Variants in DAB1 observed in about 807,000 individuals in gnomAD.
The protein encoded by DAB1 is DAB adaptor protein 1.
In DAB1, 15 loss-of-function variants were observed where a neutral mutation model predicts 64.6. That is an observed-to-expected ratio of 0.23 (90% CI 0.16 to 0.36). The LOEUF is 0.36. DAB1 is among the 10% of genes least tolerant of loss of function. The pLI is 1.00. For missense variants in DAB1, 596 were observed against 706.7 expected, an observed-to-expected ratio of 0.84 and a Z score of 1.78; for synonymous variants, 235 against 251.9, an observed-to-expected ratio of 0.93 and a Z score of 0.64.
chr1:58,486,540 T>C (rs574147477), intron 3 of DAB1, among the ~76,000 whole-genome samples: 1 of 152,320 alleles, frequency 6.6e-6, no homozygotes, highest in East Asian at 1.9e-4. Flanking sequence ...CATCATGCAA[T>C]CATTTAACTA....
At chr1:57,749,865 C>T (rs142491065) in intron 6 of DAB1, among the ~76,000 whole-genome samples, 188 of 152,296 alleles carry the variant, frequency 1.2e-3, no homozygotes, top group African/African-American at 4.4e-3. Context: ...GCTCAGTTGA[C>T]CAGCAGAGCT....
intron 5 of DAB1, among the ~76,000 whole-genome samples, chr1:57,963,011 C>T (rs1231280289): frequency 1.3e-5 from 2 of 152,110 alleles, no homozygotes; most frequent in Non-Finnish European, 2.9e-5. Context: ...CCTCCTTTTG[C>T]CCACCTTTCC....
In DAB1 at chr1:58,490,795, C is replaced by CTTTT. The variant is rs148145860; in HGVS notation, n.257+15261_257+15264dup. 4.2e-3 allele frequency among the ~76,000 whole-genome samples: 251 copies of CTTTT among 59,272 alleles called. 27 individuals are homozygous for CTTTT. The highest frequency in any genetic ancestry group is 0.01 in the East Asian group (14 of 1,388). 38.9% of individuals were successfully genotyped at this position (59,272 alleles called of 152,430 possible). A position where few individuals can be genotyped will look rare whatever the true frequency, so the allele number is the denominator to read the frequency against. On this transcript the variant is annotated intron_variant and non_coding_transcript_variant, in intron 3 of 20. Coordinates refer to the DAB1 transcript ENST00000485760. The stretch of plus-strand genomic sequence containing the variant: ...AGAGTGGGGGCCAATAGTCAACATT[C>CTTTT]TTTTTTTTTTTTTTTTTTTTTTTTT...
At chr1:58,213,212 T>G (rs563206702) in intron 4 of DAB1, among the ~76,000 whole-genome samples, 1 of 152,212 alleles carries the variant, frequency 6.6e-6, no homozygotes, top group Non-Finnish European at 1.5e-5. Context: ...ATTCTTTTGT[T>G]GGCCTCAGTT....
At chr1:58,042,310 CTG>C (rs1160604809) in intron 5 of DAB1, among the ~76,000 whole-genome samples, 1 of 152,172 alleles carries the variant, frequency 6.6e-6, no homozygotes, top group Non-Finnish European at 1.5e-5. Context: ...GGCTTTAAAA[CTG>C]TTTATTTTTA....
chr1:57,567,347 T>C (rs1250314284), intron 7 of DAB1, among the ~76,000 whole-genome samples: 1 of 152,172 alleles, frequency 6.6e-6, no homozygotes, highest in African/African-American at 2.4e-5. Flanking sequence ...ACTGGAAGCA[T>C]TCCCTTTGAA....
intron 4 of DAB1, among the ~76,000 whole-genome samples, chr1:58,156,492 T>A (rs1655235180): frequency 6.6e-6 from 1 of 152,190 alleles, no homozygotes; most frequent in Non-Finnish European, 1.5e-5. Context: ...TCAGGGTGTT[T>A]TTTGTTCCAC....
intron 5 of DAB1, among the ~76,000 whole-genome samples, chr1:57,948,731 T>C (rs1257708672): frequency 6.6e-6 from 1 of 152,184 alleles, no homozygotes; most frequent in Non-Finnish European, 1.5e-5. Context: ...TGTTCTCTCT[T>C]GTACTTGACT....
chr1:57,191,501 A>C (rs1159418915), intron 2 of DAB1, among the ~76,000 whole-genome samples: 3 of 152,054 alleles, frequency 2.0e-5, no homozygotes, highest in African/African-American at 7.2e-5. Context: ...GATTCTGTCA[A>C]AGCAAAGCTC....
intron 4 of DAB1, among the ~76,000 whole-genome samples, chr1:58,216,449 T>C (rs1204337171): frequency 1.3e-5 from 2 of 152,214 alleles, no homozygotes; most frequent in African/African-American, 4.8e-5. Context: ...TTTGGGTTGG[T>C]TCCTAGTCTT....
chr1:57,057,809 T>C (rs3768197), intron 9 of DAB1, among the ~76,000 whole-genome samples: 120,549 of 151,280 alleles, frequency 0.8, 48,175 homozygotes, highest in Middle Eastern at 0.87. Flanking sequence ...GGGGTTTCAC[T>C]GTATTAGCCA....
chr1:57,257,564 T>C (rs1363669146), intron 2 of DAB1, among the ~76,000 whole-genome samples: 1 of 152,252 alleles, frequency 6.6e-6, no homozygotes, highest in Admixed American at 6.5e-5. Context: ...ATGTCTTTTA[T>C]TGACAGGTCA....
intron 4 of DAB1, among the ~76,000 whole-genome samples, chr1:58,307,338 C>T (rs1662330578): frequency 6.6e-6 from 1 of 152,090 alleles, no homozygotes. Flanking sequence ...TGGCCCCTGC[C>T]CTTCAGAAGT....
At chr1:57,008,337 C>T (rs1646155122) in intron 14 of DAB1, among the ~76,000 whole-genome samples, 1 of 152,036 alleles carries the variant, frequency 6.6e-6, no homozygotes, top group Non-Finnish European at 1.5e-5. Context: ...AACCTCCCAA[C>T]CAATGGTCTT....
chr1:58,243,461 A>G (rs998930062), intron 4 of DAB1, among the ~76,000 whole-genome samples: 1 of 152,124 alleles, frequency 6.6e-6, no homozygotes, highest in Non-Finnish European at 1.5e-5. Context: ...AAATAAATGA[A>G]AAGGTTGTCT....
At chr1:57,918,100 A>AATAC (rs1461878112) in intron 5 of DAB1, among the ~76,000 whole-genome samples, 2 of 150,392 alleles carry the variant, frequency 1.3e-5, no homozygotes, top group East Asian at 3.9e-4. Context: ...TAAATAAATA[A>AATAC]ATAAATATAA....
chr1:58,012,326 C>G (rs998814047), intron 5 of DAB1, among the ~76,000 whole-genome samples: 1 of 152,128 alleles, frequency 6.6e-6, no homozygotes, highest in African/African-American at 2.4e-5. Flanking sequence ...TCAGGAGGCT[C>G]TACTCCATGG....
chr1:58,525,990 C>T (rs951851697), intron 2 of DAB1, among the ~76,000 whole-genome samples: 1 of 151,954 alleles, frequency 6.6e-6, no homozygotes, highest in Non-Finnish European at 1.5e-5. Flanking sequence ...AGTCTATTAG[C>T]TATCCATAGG....
At chr1:57,219,288 C>CACAA (rs1666677503) in intron 2 of DAB1, among the ~76,000 whole-genome samples, 1 of 151,944 alleles carries the variant, frequency 6.6e-6, no homozygotes, top group African/African-American at 2.4e-5. Context: ...CACACACACA[C>CACAA]ACACACATAA....
Sources: allele counts gnomAD v4.1 joint callset (sites outside exome capture counted in the v4.1 genomes callset), GRCh38; gene constraint gnomAD v4.1.1; transcripts MANE v1.5; gene names NCBI Gene and HGNC (gene_info 2026-07-23, HGNC 2026-07-21).